Variants in IHO1 observed in about 807,000 individuals in gnomAD.
IHO1 encodes the protein interactor of HORMAD1 1.
A neutral mutation model predicts 31.0 loss-of-function variants in IHO1; 13 were observed. That is an observed-to-expected ratio of 0.42 (90% CI 0.27 to 0.67). The LOEUF (loss-of-function observed/expected upper bound fraction) is 0.67, where lower values mean the gene tolerates loss of function less well. IHO1 is among the 30% of genes least tolerant of loss of function. The probability of loss-of-function intolerance (pLI) is 0.24; values close to 1 mark genes in which losing one functional copy is unlikely to be tolerated. For synonymous variants in IHO1, 221 were observed against 248.4 expected (o/e 0.89, Z 1.04); for missense variants, 599 against 687.5 (o/e 0.87, Z 1.44).
chr3:49,206,519 G>A (rs1258404917), intron 1 of IHO1, among the ~76,000 whole-genome samples: 1 of 152,112 alleles, frequency 6.6e-6, no homozygotes, highest in Non-Finnish European at 1.5e-5. Flanking sequence ...CATGACCACT[G>A]CACCCGGCCC....
chr3:49,242,736 C>T (rs1247348989), intron 4 of IHO1, among the ~76,000 whole-genome samples: 4 of 151,880 alleles, frequency 2.6e-5, no homozygotes, highest in South Asian at 2.1e-4. Flanking sequence ...ACCCAGGAGG[C>T]GGAGGTTGCA....
At chr3:49,203,969 G>A (rs1282322042) in intron 1 of IHO1, among the ~76,000 whole-genome samples, 5 of 152,114 alleles carry the variant, frequency 3.3e-5, no homozygotes, top group African/African-American at 1.2e-4. Flanking sequence ...GTCTTAGTCC[G>A]TTTTGTGTTG....
In IHO1 at chr3:49,256,484, T is replaced by A; in HGVS notation, c.987T>A (p.Asp329Glu). The change falls in exon 8 of 8, where the codon GAT (aspartate) becomes GAA (glutamate). Residue 329 changes from aspartate to glutamate, a missense_variant. Physicochemically the swap from Asp to Glu is conservative, Grantham distance 45 (BLOSUM62 2). Transcript: ENST00000452691. This position sits in a 1 kb window ranked among gnomAD's most constrained non-coding sequence, Gnocchi z 4.6. ...GGGGTGAAGGAGCAAAGAATGATGA[T>A]CTCCAAGAAGAGGCTGCACTGCCAG... is the stretch of plus-strand genomic sequence containing the variant. ...DVWGEGAKNDDLQEEAALPAF... is the reference protein window; with the variant it reads ...DVWGEGAKNDELQEEAALPAF... 6.2e-7 allele frequency: 1 copy of A among 1,614,004 alleles called. No individual in the cohort carries two copies. Among genetic ancestry groups the A allele is most frequent in the Non-Finnish European group, 8.5e-7 (1 of 1,180,010 alleles).
chr3:49,214,441 A>G (rs1288833502), intron 2 of IHO1, among the ~76,000 whole-genome samples: 1 of 150,222 alleles, frequency 6.7e-6, no homozygotes, highest in Non-Finnish European at 1.5e-5. Flanking sequence ...GGGATTTGTA[A>G]TTGCTTATTA....
intron 2 of IHO1, among the ~76,000 whole-genome samples, chr3:49,228,638 G>A (rs2107709319): frequency 6.6e-6 from 1 of 152,242 alleles, no homozygotes; most frequent in South Asian, 2.1e-4. Context: ...CTTAAAGATG[G>A]TATGTCCGGA....
In IHO1 at chr3:49,225,795, G is replaced by A. The variant is rs192135238; in HGVS notation, c.57-10753G>A. ...TAACAGACCTTGAGGACAGTCGCCCGGGACAGGAGATTAACACTGAGAAGG... is the reference window on the plus strand; with the variant it reads ...TAACAGACCTTGAGGACAGTCGCCCAGGACAGGAGATTAACACTGAGAAGG... On this transcript the variant is annotated intron_variant, in intron 2 of 7. Transcript: ENST00000452691. 1.1e-3 allele frequency among the ~76,000 whole-genome samples: 165 copies of A among 152,294 alleles called. No homozygotes were observed. The East Asian group carries it at 0.011, about 10-fold the overall frequency.
At chr3:49,229,432 A>G (rs2046456608) in intron 2 of IHO1, among the ~76,000 whole-genome samples, 1 of 152,234 alleles carries the variant, frequency 6.6e-6, no homozygotes, top group African/African-American at 2.4e-5. Flanking sequence ...TACAATGGGG[A>G]AATTCAAATT....
At chr3:49,234,851 C>CTT (rs562847275) in intron 2 of IHO1, among the ~76,000 whole-genome samples, 1 of 145,082 alleles carries the variant, frequency 6.9e-6, no homozygotes, top group Non-Finnish European at 1.5e-5. Flanking sequence ...AGAGTTAATT[C>CTT]TTTTTTTTTT....
At chr3:49,218,832 C>T (rs1002759621) in intron 2 of IHO1, among the ~76,000 whole-genome samples, 1 of 152,024 alleles carries the variant, frequency 6.6e-6, no homozygotes, top group Admixed American at 6.6e-5. Flanking sequence ...TTGACTAAAG[C>T]ACATCCGTGT....
intron 6 of IHO1, among the ~76,000 whole-genome samples, chr3:49,251,962 G>C (rs1559453421): frequency 6.6e-6 from 1 of 152,052 alleles, no homozygotes; most frequent in African/African-American, 2.4e-5. Flanking sequence ...CTCCCGAGTA[G>C]CTGGGATTAC....
chr3:49,205,910 C>T (rs974587039), intron 1 of IHO1, among the ~76,000 whole-genome samples: 29 of 151,924 alleles, frequency 1.9e-4, no homozygotes, highest in Middle Eastern at 3.4e-3. Flanking sequence ...GTTGGGACTA[C>T]AGGCACGTGC....
chr3:49,195,521 T>C (rs1415626183), upstream of IHO1, among the ~76,000 whole-genome samples: 1 of 146,290 alleles, frequency 6.8e-6, no homozygotes, highest in East Asian at 2.1e-4. Flanking sequence ...ATAGAGACCA[T>C]CCTGGCTAAC....
intron 4 of IHO1, among the ~76,000 whole-genome samples, chr3:49,243,048 C>T (rs1298824972): frequency 6.6e-6 from 1 of 151,994 alleles, no homozygotes; most frequent in Non-Finnish European, 1.5e-5. Context: ...TCCTTTCCCT[C>T]CTCCACCCTT....
intron 2 of IHO1, among the ~76,000 whole-genome samples, chr3:49,213,589 G>A (rs2107689194): frequency 6.6e-6 from 1 of 152,346 alleles, no homozygotes; most frequent in South Asian, 2.1e-4. Flanking sequence ...GGAGCAGGGG[G>A]CAGTGCTAGT....
rs758030008 is a variant in IHO1, at chr3:49,211,763, T to C, written c.-15-3T>C. The C allele has an allele frequency of 7.5e-7, 1 of 1,337,596 alleles. No homozygotes were observed. Among genetic ancestry groups the C allele is most frequent in the Non-Finnish European group, 1.1e-6 (1 of 933,084 alleles). 82.9% of individuals were successfully genotyped at this position (1,337,596 alleles called of 1,614,324 possible). On this transcript the variant is annotated splice_polypyrimidine_tract_variant and splice_region_variant and intron_variant, in intron 1 of 7. Transcript: ENST00000452691. Reference sequence around the variant, plus strand: ...CTTAATATTCACCTATTCTTTCTAATAGGTATAACTATAAGAAATGAATTT... The same window carrying C: ...CTTAATATTCACCTATTCTTTCTAACAGGTATAACTATAAGAAATGAATTT...
the IHO1 span, among the ~76,000 whole-genome samples, chr3:49,192,665 G>C: frequency 6.6e-6 from 1 of 152,266 alleles, no homozygotes; most frequent in East Asian, 1.9e-4. Context: ...GGGAGGCCGA[G>C]GTGGGCAAAT....
At chr3:49,200,280 C>T (rs2046036224) in intron 1 of IHO1, among the ~76,000 whole-genome samples, 1 of 151,916 alleles carries the variant, frequency 6.6e-6, no homozygotes, top group East Asian at 1.9e-4. Context: ...GCCTGGCCAA[C>T]ATAGCGAAAA....
At chr3:49,214,262 G>T (rs977772773) in intron 2 of IHO1, among the ~76,000 whole-genome samples, 1 of 152,080 alleles carries the variant, frequency 6.6e-6, no homozygotes, top group Admixed American at 6.6e-5. Flanking sequence ...GTACAGTGCA[G>T]TTTATGGGTA....
intron 2 of IHO1, chr3:49,213,970 G>C (rs558906725): frequency 4.8e-6 from 2 of 418,784 alleles, no homozygotes; most frequent in East Asian, 7.6e-5. Flanking sequence ...GCAAGCGAGG[G>C]CTGCCAGCAT....
Sources: gnomAD v4.1 joint callset for allele counts (sites outside exome capture counted in the v4.1 genomes callset) on GRCh38, gnomAD v4.1.1 for gene constraint, Gnocchi (gnomAD v3.1) non-coding constraint, MANE v1.5 for transcripts, NCBI Gene and HGNC (gene_info 2026-07-23, HGNC 2026-07-21) for gene names.